The following UBE2W variants were observed in gnomAD, a reference collection of about 807,000 sequenced individuals.
The protein encoded by UBE2W is ubiquitin-conjugating enzyme E2 W.
In UBE2W, 18 loss-of-function variants were observed where a neutral mutation model predicts 27.2. The ratio of observed to expected loss-of-function variants is 0.66; its 90% CI spans 0.46 to 0.98. The LOEUF is 0.98. Ranked by LOEUF, UBE2W falls within the 50% of genes least tolerant of loss-of-function variation. The probability of loss-of-function intolerance (pLI) is 0.00; values close to 1 mark genes in which losing one functional copy is unlikely to be tolerated. For synonymous variants in UBE2W, 53 were observed against 57.2 expected (o/e 0.93, Z 0.33); for missense variants, 90 against 180.2 (o/e 0.50, Z 2.87).
At chr8:73,869,810 G>A (rs1189208669) in intron 1 of UBE2W, among the ~76,000 whole-genome samples, 1 of 152,092 alleles carries the variant, frequency 6.6e-6, no homozygotes, top group Admixed American at 6.5e-5. Context: ...GTTGCAGTGA[G>A]CCTATTGTGC....
intron 1 of UBE2W, among the ~76,000 whole-genome samples, chr8:73,845,754 A>G (rs1810772662): frequency 6.6e-6 from 1 of 152,184 alleles, no homozygotes; most frequent in Non-Finnish European, 1.5e-5. Context: ...GCCATACACA[A>G]AAGATAGATT....
intron 1 of UBE2W, chr8:73,831,124 A>G: frequency 2.7e-6 from 1 of 368,390 alleles, no homozygotes; most frequent in East Asian, 8.0e-5. Flanking sequence ...ACCAGTAAAT[A>G]CATCTATGGC....
At chr8:73,804,590 G>A (rs1563577037) in intron 5 of UBE2W, among the ~76,000 whole-genome samples, 3 of 151,312 alleles carry the variant, frequency 2.0e-5, no homozygotes, top group Admixed American at 6.6e-5. Context: ...TTAGAATAGA[G>A]AGCTTTCTAA....
intron 1 of UBE2W, among the ~76,000 whole-genome samples, chr8:73,845,237 C>A (rs1341286941): frequency 6.6e-6 from 1 of 152,162 alleles, no homozygotes; most frequent in African/African-American, 2.4e-5. Context: ...TGAGAACGGG[C>A]CATGATGACG....
At chr8:73,846,491 C>T (rs1481320267) in intron 1 of UBE2W, among the ~76,000 whole-genome samples, 1 of 152,038 alleles carries the variant, frequency 6.6e-6, no homozygotes, top group Non-Finnish European at 1.5e-5. Context: ...AGCAGCACAC[C>T]ACCAAACACA....
At chr8:73,858,706 C>T (rs1811408270) in intron 1 of UBE2W, among the ~76,000 whole-genome samples, 1 of 143,506 alleles carries the variant, frequency 7.0e-6, no homozygotes, top group East Asian at 2.1e-4. Flanking sequence ...AAAAAAGCAG[C>T]AGCTAGTACC....
At chr8:73,857,925 T>A (rs1171405062) in intron 1 of UBE2W, among the ~76,000 whole-genome samples, 1 of 152,094 alleles carries the variant, frequency 6.6e-6, no homozygotes, top group Non-Finnish European at 1.5e-5. Context: ...TTCTGAGATT[T>A]TCAGAATACC....
chr8:73,812,162 C>T (rs1809176588), intron 3 of UBE2W, among the ~76,000 whole-genome samples: 1 of 150,572 alleles, frequency 6.6e-6, no homozygotes, highest in African/African-American at 2.4e-5. Flanking sequence ...ATTTTCCATA[C>T]TTGCATCTAT....
downstream of UBE2W, among the ~76,000 whole-genome samples, chr8:73,785,749 G>A (rs566124907): frequency 2.6e-5 from 4 of 151,822 alleles, no homozygotes; most frequent in South Asian, 2.1e-4. Context: ...CCACCACCAC[G>A]CCGTTATTTT....
At chr8:73,844,359 G>A (rs1275668200) in intron 1 of UBE2W, among the ~76,000 whole-genome samples, 4 of 152,164 alleles carry the variant, frequency 2.6e-5, no homozygotes, top group Non-Finnish European at 5.9e-5. Context: ...GTGTTGGCTG[G>A]GCTGGTCTCC....
intron 2 of UBE2W, 56 bp from the exon 3 acceptor site, chr8:73,825,305 G>T: frequency 3.1e-6 from 4 of 1,271,742 alleles, no homozygotes; most frequent in Non-Finnish European, 4.4e-6. Context: ...GGGTAAGGAG[G>T]AGAAAAGAGG....
chr8:73,861,837 A>C (rs1455173693), intron 1 of UBE2W, among the ~76,000 whole-genome samples: 1 of 152,160 alleles, frequency 6.6e-6, no homozygotes, highest in Admixed American at 6.6e-5. Context: ...GTTGTATAAA[A>C]TGGCCATCAA....
chr8:73,810,398 T>C, intron 4 of UBE2W, 76 bp downstream of exon 4: 2 of 1,351,344 alleles, frequency 1.5e-6, no homozygotes, highest in East Asian at 5.2e-5. Context: ...CAAATAAAAA[T>C]AATTACATAT....
At chr8:73,798,128 C>T (rs1199596288) in intron 5 of UBE2W, among the ~76,000 whole-genome samples, 1 of 152,006 alleles carries the variant, frequency 6.6e-6, no homozygotes, top group Non-Finnish European at 1.5e-5. Flanking sequence ...TCTATACCCC[C>T]CAACAAAATA....
Position 73,792,818 on chromosome 8 carries a change from T to C in UBE2W, c.*1284A>G, listed in dbSNP as rs1313788707. On this transcript the variant is annotated 3_prime_UTR_variant, in exon 6 of 6. Transcript: ENST00000602593. ...TTTTTTTTCTATAGAAAGTTTCATCTAGCTGTAAGCAAAGTCTTTTCAACA... is the reference window on the plus strand; with the variant it reads ...TTTTTTTTCTATAGAAAGTTTCATCCAGCTGTAAGCAAAGTCTTTTCAACA... 1 of 985,424 alleles carries C rather than the reference T, an allele frequency of 1.0e-6. No individual in the cohort carries two copies. Among genetic ancestry groups the C allele is most frequent in the Non-Finnish European group, 1.2e-6 (1 of 829,810 alleles). 61.0% of individuals were successfully genotyped at this position (985,424 alleles called of 1,614,324 possible).
rs562014166 is a variant in UBE2W at position 73,869,583 on chromosome 8, C to T, written c.15+9225G>A. ...GCGCACGCCTGCAGTCCCAGCTACT[C>T]GGGAGGCTGAAGCAGAAGAATTGCT... On this transcript the variant is annotated intron_variant, in intron 1 of 5. Transcript: ENST00000602593. 1.7e-4 allele frequency among the ~76,000 whole-genome samples: 26 copies of T among 152,158 alleles called. No individual in the cohort carries two copies. The South Asian group carries it at 4.8e-3, about 28-fold the overall frequency.
chr8:73,862,450 G>A (rs1811569877), intron 1 of UBE2W, among the ~76,000 whole-genome samples: 1 of 152,104 alleles, frequency 6.6e-6, no homozygotes, highest in South Asian at 2.1e-4. Context: ...CAGGTTAAAC[G>A]TTAGACCTAA....
intron 5 of UBE2W, among the ~76,000 whole-genome samples, chr8:73,802,601 A>G (rs1808692088): frequency 6.6e-6 from 1 of 152,222 alleles, no homozygotes; most frequent in Non-Finnish European, 1.5e-5. Flanking sequence ...GTTATATTTT[A>G]AAAATAGGCC....
chr8:73,792,429 T>C lies in UBE2W; in HGVS notation c.*1673A>G, dbSNP rs1488094179. 1.1e-5 allele frequency: 11 copies of C among 985,576 alleles called. No homozygotes were observed. The highest frequency in any genetic ancestry group is 6.2e-5 in the Admixed American group (1 of 16,244). The allele number at this position is 985,576 out of a possible 1,614,324, so 61.1% of individuals were successfully genotyped here. On this transcript the variant is annotated 3_prime_UTR_variant, in exon 6 of 6. Coordinates refer to ENST00000602593, the MANE Select transcript of UBE2W (RefSeq NM_018299.6). ...CTGAGTTCAGCAATTATACTTTGAG[T>C]GTAAAATTATATGCCCTTAATTAAC...
Sources: gnomAD v4.1 joint callset for allele counts (sites outside exome capture counted in the v4.1 genomes callset) on GRCh38, gnomAD v4.1.1 for gene constraint, MANE v1.5 for transcripts, NCBI Gene and HGNC (gene_info 2026-07-23, HGNC 2026-07-21) for gene names.